The following ANK1 variants were observed in gnomAD, a reference collection of about 807,000 sequenced individuals.
The protein encoded by ANK1 is ankyrin 1.
In ANK1, 51 loss-of-function variants were observed where a neutral mutation model predicts 210.4. The ratio of observed to expected loss-of-function variants is 0.24; its 90% CI spans 0.19 to 0.31. The LOEUF is 0.31. Among genes scored for constraint, ANK1 ranks in the 10% least tolerant of loss-of-function variants. The probability of loss-of-function intolerance (pLI) is 1.00; values close to 1 mark genes in which losing one functional copy is unlikely to be tolerated. For missense variants in ANK1, 2,051 were observed against 2,504.4 expected, an observed-to-expected ratio of 0.82 and a Z score of 3.86; for synonymous variants, 967 against 1,025.9, an observed-to-expected ratio of 0.94 and a Z score of 1.10.
At chr8:41,858,087 T>C (rs1394553524) in intron 1 of ANK1, among the ~76,000 whole-genome samples, 1 of 151,702 alleles carries the variant, frequency 6.6e-6, no homozygotes, top group African/African-American at 2.4e-5. Context: ...TTAAAAATTA[T>C]CCAGGTTGGT....
chr8:41,687,579 G>A (rs773109000), intron 35 of ANK1, among the ~76,000 whole-genome samples: 7 of 152,182 alleles, frequency 4.6e-5, no homozygotes, highest in Non-Finnish European at 8.8e-5. Context: ...CTCCTCCTTG[G>A]GGAGACGGAT....
In ANK1 at chr8:41,885,354, G is replaced by A. The variant is rs570720517; in HGVS notation, c.126+11001C>T. Among the ~76,000 whole-genome samples the A allele has an allele frequency of 1.0e-3, 159 of 152,326 alleles. 1 individual carries two copies. The South Asian group carries it at 0.03, about 29-fold the overall frequency. ...CCAGGTGTCCTTCAAATGCAGATCT[G>A]TTCAAGAATGAAGTGATACATGTGA... On this transcript the variant is annotated intron_variant, in intron 1 of 42. Transcript: ENST00000265709.
At chr8:41,829,067 C>G (rs573843008) in intron 1 of ANK1, 1 of 152,374 alleles carries the variant, frequency 6.6e-6, no homozygotes, top group South Asian at 2.1e-4. Flanking sequence ...CGTGAGGGTC[C>G]CCTGCTCACC....
chr8:41,753,566 G>A (rs900808208), intron 2 of ANK1, among the ~76,000 whole-genome samples: 1 of 152,066 alleles, frequency 6.6e-6, no homozygotes, highest in Non-Finnish European at 1.5e-5. Flanking sequence ...TAGATTCGGG[G>A]GTACCTGTGC....
intron 1 of ANK1, among the ~76,000 whole-genome samples, chr8:41,803,031 A>AAG (rs1381744445): frequency 1.2e-4 from 12 of 97,216 alleles, no homozygotes; most frequent in African/African-American, 5.5e-4. Context: ...GAAAGAAAGA[A>AAG]AGAAAGAAAG....
chr8:41,668,196 C>T (rs1406347847), intron 39 of ANK1, 71 bp downstream of exon 39: 21 of 1,602,444 alleles, frequency 1.3e-5, no homozygotes, highest in Non-Finnish European at 1.7e-5. Context: ...GCCTGAGAGG[C>T]AGCCCTGGAG....
At chr8:41,859,480 G>A (rs1446786765) in intron 1 of ANK1, among the ~76,000 whole-genome samples, 3 of 152,148 alleles carry the variant, frequency 2.0e-5, no homozygotes, top group Admixed American at 6.5e-5. Flanking sequence ...TTGAGTAGCT[G>A]GGATCACAGG....
At chr8:41,703,457 T>A (rs1823605092) in intron 20 of ANK1, among the ~76,000 whole-genome samples, 2 of 131,228 alleles carry the variant, frequency 1.5e-5, no homozygotes, top group African/African-American at 3.0e-5. Flanking sequence ...TATATTTTTT[T>A]TTTTTTTTTA....
intron 2 of ANK1, among the ~76,000 whole-genome samples, chr8:41,737,274 G>A (rs1049080807): frequency 6.6e-6 from 1 of 152,160 alleles, no homozygotes; most frequent in African/African-American, 2.4e-5. Context: ...ATTCCAGCCT[G>A]GGTGACAGAG....
At chr8:41,816,922 T>C (rs906184039) in intron 1 of ANK1, among the ~76,000 whole-genome samples, 5 of 152,296 alleles carry the variant, frequency 3.3e-5, no homozygotes, top group Non-Finnish European at 2.9e-5. Context: ...CATAACCATA[T>C]AGATAGAAAC....
chr8:41,734,167 T>C, intron 2 of ANK1, 98 bp from the exon 3 acceptor site: 2 of 1,046,086 alleles, frequency 1.9e-6, no homozygotes, highest in South Asian at 2.5e-5. Flanking sequence ...CCTGAGGTGT[T>C]CACAGCACTG....
chr8:41,692,674 C>T lies in ANK1; in HGVS notation c.3832G>A (p.Glu1278Lys). 6.2e-7 allele frequency: 1 copy of T among 1,613,920 alleles called. No homozygotes were observed. Among genetic ancestry groups the T allele is most frequent in the Non-Finnish European group, 8.5e-7 (1 of 1,180,014 alleles). ...KTLEQHENFVEVARSRDIEVL... is the reference protein window; with the variant it reads ...KTLEQHENFVKVARSRDIEVL... The stretch of plus-strand genomic sequence containing the variant: ...TCTATGTCCCTGCTCCGGGCCACCT[C>T]CACGAAGTTCTCATGCTGCTCCAGG... The change falls in exon 31 of 43, where the codon GAG becomes AAG. Residue 1278 changes from glutamate to lysine, a missense_variant. Around this residue, in one of 6 missense-constraint regions of ANK1, gnomAD observed 1,413 missense variants for 1,707.4 expected, o/e 0.83. Coordinates refer to ENST00000289734, the MANE Select transcript of ANK1 (RefSeq NM_000037.4).
At chr8:41,747,337 C>G (rs541747284) in intron 2 of ANK1, among the ~76,000 whole-genome samples, 1 of 152,162 alleles carries the variant, frequency 6.6e-6, no homozygotes, top group South Asian at 2.1e-4. Flanking sequence ...TCCTCAAGGC[C>G]CAGACCGAGT....
chr8:41,719,056 C>G (rs1828514907), intron 10 of ANK1, among the ~76,000 whole-genome samples: 1 of 152,182 alleles, frequency 6.6e-6, no homozygotes, highest in African/African-American at 2.4e-5. Flanking sequence ...GTTCTGCTGC[C>G]TTGGGAAGAG....
At chr8:41,771,911 C>T (rs904519435) in intron 1 of ANK1, among the ~76,000 whole-genome samples, 3 of 152,308 alleles carry the variant, frequency 2.0e-5, no homozygotes, top group African/African-American at 7.2e-5. Flanking sequence ...AGGGATTTCA[C>T]GAGCTGGAAG....
chr8:41,808,435 C>T (rs929600197), intron 1 of ANK1, among the ~76,000 whole-genome samples: 1 of 152,062 alleles, frequency 6.6e-6, no homozygotes, highest in East Asian at 1.9e-4. Context: ...GAGGTCGAAG[C>T]GGGTGGATCA....
At chr8:41,688,057 TA>T in intron 35 of ANK1, 98 bp downstream of exon 35, 1 of 1,389,136 alleles carries the variant, frequency 7.2e-7, no homozygotes, top group Non-Finnish European at 1.0e-6. Flanking sequence ...CCACGGGTGA[TA>T]AAAGGAGGGT....
intron 2 of ANK1, among the ~76,000 whole-genome samples, chr8:41,735,411 C>T (rs995174216): frequency 6.6e-6 from 1 of 152,148 alleles, no homozygotes; most frequent in Non-Finnish European, 1.5e-5. Flanking sequence ...CCCCTCCTGT[C>T]CTCCTCCTCC....
rs1270957041 is a variant in ANK1 at position 41,719,527 on chromosome 8, C to T, written c.1107+134G>A. The T allele has an allele frequency of 6.1e-6, 7 of 1,156,396 alleles. No individual in the cohort carries two copies. In the Admixed American group the frequency reaches 8.5e-5, roughly 14 times the overall value. 71.6% of individuals were successfully genotyped at this position (1,156,396 alleles called of 1,614,324 possible). On this transcript the variant is annotated intron_variant, in intron 10 of 42. Coordinates refer to ENST00000289734, the MANE Select transcript of ANK1 (RefSeq NM_000037.4). Reference sequence around the variant, plus strand: ...CCCCCACCATCCAGTGCTGTCACACCCCACTGCTCAGGCCTCGAATCTGGG... The same window carrying T: ...CCCCCACCATCCAGTGCTGTCACACTCCACTGCTCAGGCCTCGAATCTGGG...
Sources: gnomAD v4.1 joint callset for allele counts (sites outside exome capture counted in the v4.1 genomes callset) on GRCh38, gnomAD v4.1.1 for gene constraint, gnomAD v4.1.1 regional missense constraint, MANE v1.5 for transcripts, NCBI Gene and HGNC (gene_info 2026-07-23, HGNC 2026-07-21) for gene names.